THSD7B: variants seen among roughly 807,000 people sequenced by gnomAD.
THSD7B encodes the protein thrombospondin type 1 domain containing 7B.
A neutral mutation model predicts 213.6 loss-of-function variants in THSD7B; 138 were observed. That is an observed-to-expected ratio of 0.65 (90% CI 0.56 to 0.74). THSD7B has a LOEUF of 0.74. Ranked by LOEUF, THSD7B falls within the 30% of genes least tolerant of loss-of-function variation. The probability of loss-of-function intolerance (pLI) is 0.00; values close to 1 mark genes in which losing one functional copy is unlikely to be tolerated. For synonymous variants in THSD7B, 742 were observed against 687.0 expected (o/e 1.08, Z -1.25); for missense variants, 1,931 against 1,991.5 (o/e 0.97, Z 0.58).
intron 1 of THSD7B, among the ~76,000 whole-genome samples, chr2:136,792,178 G>C (rs1681977779): frequency 6.6e-6 from 1 of 151,964 alleles, no homozygotes; most frequent in African/African-American, 2.4e-5. Flanking sequence ...TTCAATCCAA[G>C]GGTTAGAAGA....
intron 12 of THSD7B, among the ~76,000 whole-genome samples, chr2:137,332,342 C>T (rs933438596): frequency 3.3e-5 from 5 of 152,158 alleles, no homozygotes; most frequent in Non-Finnish European, 1.5e-5. Flanking sequence ...CAGACTTGCA[C>T]CGGCCCTGAG....
At chr2:137,559,436 C>A (rs937409683) in intron 15 of THSD7B, among the ~76,000 whole-genome samples, 1 of 152,080 alleles carries the variant, frequency 6.6e-6, no homozygotes, top group Non-Finnish European at 1.5e-5. Flanking sequence ...TGATTTTTGA[C>A]AAACCTGACA....
chr2:137,575,294 C>T (rs1681435232), intron 17 of THSD7B, among the ~76,000 whole-genome samples: 1 of 152,010 alleles, frequency 6.6e-6, no homozygotes, highest in Admixed American at 6.6e-5. Flanking sequence ...CTCCCACTTA[C>T]CTTGTTTGCC....
intron 1 of THSD7B, among the ~76,000 whole-genome samples, chr2:136,768,585 T>C (rs531383050): frequency 1.3e-5 from 2 of 152,210 alleles, no homozygotes; most frequent in African/African-American, 4.8e-5. Context: ...GACAAACAGA[T>C]TAAAGAATTC....
rs760760474 is a variant in THSD7B, at chr2:137,056,535, CAGGCCTCCAA to C, written c.259_268del (p.Pro87LysfsTer43). The C allele has an allele frequency of 6.2e-7, 1 of 1,613,946 alleles. No homozygotes were observed. Among genetic ancestry groups the C allele is most frequent in the South Asian group, 1.1e-5 (1 of 91,084 alleles). ...ACCTGTCTAACTGTGGTGAGAGCAA[CAGGCCTCCAA>C]AGGAAAGAAGTTGTTTCCGAGTTTG... On this transcript the variant is annotated frameshift_variant, in exon 3 of 28. Coordinates refer to ENST00000409968, the MANE Select transcript of THSD7B (RefSeq NM_001316349.2). LOFTEE classifies it high-confidence loss of function.
rs1687607136 is a variant in THSD7B at position 137,449,587 on chromosome 2, C to T, written c.2960-1258C>T. Among the ~76,000 whole-genome samples, 4 of 152,188 alleles carry T rather than the reference C, an allele frequency of 2.6e-5. 1 individual carries two copies. The South Asian group carries it at 8.3e-4, about 31-fold the overall frequency. On this transcript the variant is annotated intron_variant, in intron 14 of 27. Transcript: ENST00000409968. ...GTTTTTGGCAGAATTTATCCCCATG[C>T]ACCTGTGGGCCTGAAGGCCCTGTGT... is the stretch of plus-strand genomic sequence containing the variant.
chr2:137,532,869 T>G (rs548409582), intron 15 of THSD7B, among the ~76,000 whole-genome samples: 1 of 151,678 alleles, frequency 6.6e-6, no homozygotes, highest in Non-Finnish European at 1.5e-5. Context: ...ATATATTTTA[T>G]ATGAGCAAAT....
chr2:136,781,237 G>T (rs532987740), intron 1 of THSD7B, among the ~76,000 whole-genome samples: 1 of 151,528 alleles, frequency 6.6e-6, no homozygotes, highest in South Asian at 2.1e-4. Flanking sequence ...GGGAAAATGG[G>T]GCCTTGTATT....
intron 19 of THSD7B, among the ~76,000 whole-genome samples, chr2:137,619,021 T>C (rs2104841013): frequency 6.6e-6 from 1 of 152,366 alleles, no homozygotes; most frequent in Middle Eastern, 3.4e-3. Flanking sequence ...TAATGGGTTC[T>C]GAATCTTTGT....
chr2:137,167,837 C>T (rs190432729), intron 6 of THSD7B, among the ~76,000 whole-genome samples: 1 of 152,188 alleles, frequency 6.6e-6, no homozygotes, highest in Non-Finnish European at 1.5e-5. Context: ...AATCTACTCA[C>T]CTTTAGTACC....
intron 1 of THSD7B, among the ~76,000 whole-genome samples, chr2:136,840,301 C>A (rs913576912): frequency 6.6e-6 from 1 of 152,096 alleles, no homozygotes; most frequent in Non-Finnish European, 1.5e-5. Context: ...ATCACTTGAA[C>A]CCTGGAGGTG....
chr2:137,394,882 C>T (rs1466854709), intron 12 of THSD7B, among the ~76,000 whole-genome samples: 11 of 144,846 alleles, frequency 7.6e-5, no homozygotes, highest in Non-Finnish European at 1.2e-4. Flanking sequence ...CTTCACATCC[C>T]TTGTAAGTTG....
intron 1 of THSD7B, among the ~76,000 whole-genome samples, chr2:136,879,901 A>G (rs1017131530): frequency 6.6e-6 from 1 of 152,212 alleles, no homozygotes; most frequent in Non-Finnish European, 1.5e-5. Flanking sequence ...GGATCAATTC[A>G]ACAAGAAGAG....
chr2:137,130,929 T>C (rs565020599), intron 5 of THSD7B, among the ~76,000 whole-genome samples: 66 of 151,852 alleles, frequency 4.3e-4, no homozygotes, highest in African/African-American at 1.4e-3. Flanking sequence ...GTATTTCTAG[T>C]TCTAGATCTC....
At chr2:136,886,199 T>A (rs534721956) in intron 2 of THSD7B, among the ~76,000 whole-genome samples, 24 of 152,164 alleles carry the variant, frequency 1.6e-4, no homozygotes, top group African/African-American at 5.3e-4. Flanking sequence ...TAGGTCAGAA[T>A]AAGATTTTGT....
At chr2:136,913,712 A>G (rs543368513) in intron 2 of THSD7B, among the ~76,000 whole-genome samples, 8 of 152,362 alleles carry the variant, frequency 5.3e-5, no homozygotes, top group African/African-American at 1.9e-4. Context: ...TCCATGTGGT[A>G]TCAAGCCTGT....
At chr2:137,224,957 ATT>A (rs752917114) in intron 7 of THSD7B, among the ~76,000 whole-genome samples, 17 of 152,012 alleles carry the variant, frequency 1.1e-4, no homozygotes, top group Middle Eastern at 6.8e-3. Flanking sequence ...TATTGCTATT[ATT>A]TCTTATCTAA....
At chr2:137,392,191 A>C (rs1268613046) in intron 12 of THSD7B, among the ~76,000 whole-genome samples, 1 of 152,182 alleles carries the variant, frequency 6.6e-6, no homozygotes, top group Non-Finnish European at 1.5e-5. Context: ...AGAATGTTCC[A>C]TGTGCTGGTA....
At chr2:137,310,059 C>G (rs1683856430) in intron 12 of THSD7B, among the ~76,000 whole-genome samples, 1 of 151,082 alleles carries the variant, frequency 6.6e-6, no homozygotes, top group Non-Finnish European at 1.5e-5. Context: ...ATTTCTAGTT[C>G]TAGATCCCTG....
Sources: allele counts gnomAD v4.1 joint callset (sites outside exome capture counted in the v4.1 genomes callset), GRCh38; gene constraint gnomAD v4.1.1; transcripts MANE v1.5; gene names NCBI Gene and HGNC (gene_info 2026-07-23, HGNC 2026-07-21).